LGALS9C: variants seen among roughly 807,000 people sequenced by gnomAD.
LGALS9C encodes galectin-9C.
LGALS9C carries 7 observed loss-of-function variants against 41.3 expected under a neutral mutation model. That is an observed-to-expected ratio of 0.17 (90% CI 0.10 to 0.32). LGALS9C has a LOEUF of 0.32. Among genes scored for constraint, LGALS9C ranks in the 10% least tolerant of loss-of-function variants. LGALS9C has a pLI of 1.00. For missense variants in LGALS9C, 102 were observed against 455.2 expected (o/e 0.22, Z 7.06); for synonymous variants, 44 against 171.0 (o/e 0.26, Z 5.80).
At chr17:18,481,127 C>CAAAAT (rs1174018527) in intron 1 of LGALS9C, among the ~76,000 whole-genome samples, 18 of 125,926 alleles carry the variant, frequency 1.4e-4, no homozygotes, top group Admixed American at 5.4e-4. Context: ...GAACCCATCT[C>CAAAAT]AAAATAAAAT....
intron 1 of LGALS9C, among the ~76,000 whole-genome samples, chr17:18,479,891 A>AC (rs1358941348): frequency 9.9e-5 from 12 of 120,762 alleles, no homozygotes; most frequent in African/African-American, 3.1e-4. Context: ...TTGGCTTATG[A>AC]CCCCTCCTGC....
At chr17:18,487,555 T>C in intron 3 of LGALS9C, 92 bp from the exon 4 acceptor site, 1 of 945,708 alleles carries the variant, frequency 1.1e-6, no homozygotes, top group Non-Finnish European at 1.5e-6. Flanking sequence ...GACTCAGGTC[T>C]TCATTTTTTA....
At chr17:18,492,372 T>C (rs1371564527) in intron 8 of LGALS9C, 85 bp from the exon 9 acceptor site, 32 of 1,490,326 alleles carry the variant, frequency 2.1e-5, no homozygotes, top group African/African-American at 2.8e-5. Context: ...ACAGCCTAAA[T>C]TCATGGGAAC....
intron 1 of LGALS9C, among the ~76,000 whole-genome samples, chr17:18,482,992 T>C (rs1382852018): frequency 8.0e-6 from 1 of 124,488 alleles, no homozygotes; most frequent in African/African-American, 2.6e-5. Flanking sequence ...AAATCATCAA[T>C]CATATGCAGT....
chr17:18,482,833 C>A (rs1989444526), intron 1 of LGALS9C, among the ~76,000 whole-genome samples: 1 of 128,042 alleles, frequency 7.8e-6, no homozygotes, highest in African/African-American at 2.6e-5. Context: ...TATAGAACCA[C>A]ACCGGATATG....
intron 10 of LGALS9C, among the ~76,000 whole-genome samples, chr17:18,493,453 C>T (rs1432300928): frequency 8.4e-6 from 1 of 119,184 alleles, no homozygotes; most frequent in Non-Finnish European, 2.0e-5. Context: ...AGGCGTGCTC[C>T]GCCCTGACTA....
intron 2 of LGALS9C, among the ~76,000 whole-genome samples, chr17:18,484,729 T>A (rs1315404959): frequency 3.3e-5 from 5 of 151,054 alleles, no homozygotes; most frequent in African/African-American, 1.2e-4. Flanking sequence ...AGCGGACCTC[T>A]CTTAAGACCC....
rs749828933 is a variant in LGALS9C, at chr17:18,487,670, C to G, written c.357C>G (p.Phe119Leu). 1 of 1,511,258 alleles carries G rather than the reference C, an allele frequency of 6.6e-7. No homozygotes were observed. The highest frequency in any genetic ancestry group is 9.0e-7 in the Non-Finnish European group (1 of 1,106,740). The allele number at this position is 1,511,258 out of a possible 1,614,324, so 93.6% of individuals were successfully genotyped here. Residue 119 changes from phenylalanine to leucine, a missense_variant, in exon 4 of 11, where the codon TTC becomes TTG. Physicochemically the swap from Phe to Leu is conservative, Grantham distance 22 (BLOSUM62 0). Coordinates refer to ENST00000328114, the MANE Select transcript of LGALS9C (RefSeq NM_001040078.3). ...DFKVMVNGSL[F>L]VQYFHRVPFH... The stretch of plus-strand genomic sequence containing the variant: ...AGGTGATGGTGAACGGGAGCCTCTT[C>G]GTGCAGTACTTCCACCGCGTGCCCT...
chr17:18,492,997 A>AG, intron 10 of LGALS9C, 138 bp downstream of exon 10: 1 of 797,208 alleles, frequency 1.3e-6, no homozygotes, highest in Non-Finnish European at 1.9e-6. Flanking sequence ...TGGCCAAAAA[A>AG]TTATTGTCAT....
chr17:18,484,650 G>T (rs778840344), intron 2 of LGALS9C, among the ~76,000 whole-genome samples: 8,256 of 141,012 alleles, frequency 0.059, 29 homozygotes, highest in Middle Eastern at 0.13. Flanking sequence ...GCCTGCTGAA[G>T]TCTGCGGGGC....
chr17:18,477,187 A>G (rs1023938556), intron 1 of LGALS9C, among the ~76,000 whole-genome samples: 1 of 132,158 alleles, frequency 7.6e-6, no homozygotes, highest in African/African-American at 2.5e-5. Context: ...TGGTTTGTGT[A>G]AAGAGGAAGC....
At position 18,478,164 on chromosome 17, in the gene LGALS9C, G is replaced by A. The variant is rs1989274036; in HGVS notation, c.39+1271G>A. On this transcript the variant is annotated intron_variant, in intron 1 of 10. Transcript: ENST00000328114. ...AAGCTGGAATGGGCTGCCGGTGTTG[G>A]GCGAGCCTTAGGGTCAGCGTGTGCC... 1.5e-5 allele frequency among the ~76,000 whole-genome samples: 2 copies of A among 129,812 alleles called. 1 individual carries two copies. The allele number at this position is 129,812 out of a possible 152,430, so 85.2% of individuals were successfully genotyped here. A position where few individuals can be genotyped will look rare whatever the true frequency, so the allele number is the denominator to read the frequency against.
chr17:18,483,738 T>TC, intron 1 of LGALS9C, 137 bp from the exon 2 acceptor site: 1 of 577,368 alleles, frequency 1.7e-6, no homozygotes, highest in Non-Finnish European at 3.0e-6. Flanking sequence ...GGGCTGAGAC[T>TC]CCTTCTGTCC....
In LGALS9C at chr17:18,483,963, C is replaced by T. The variant is rs1197491631; in HGVS notation, c.128C>T (p.Thr43Ile). Reference protein sequence around the residue: ...VNGAVLSCSGTRFAVDFQTGF... With the variant: ...VNGAVLSCSGIRFAVDFQTGF... Reference sequence around the variant, plus strand: ...GGGGCCGTTCTCAGCTGCAGTGGAACCAGGTGTGTGTATATGGATGGAAAC... The same window carrying T: ...GGGGCCGTTCTCAGCTGCAGTGGAATCAGGTGTGTGTATATGGATGGAAAC... The change falls in exon 2 of 11, where the codon ACC becomes ATC. Residue 43 changes from threonine (T) to isoleucine (I), a missense_variant. Thr to Ile is a moderately conservative substitution (Grantham distance 89). Transcript: ENST00000328114. 5.9e-6 allele frequency: 8 copies of T among 1,367,504 alleles called. 1 individual carries two copies. The African/African-American group carries it at 7.1e-5, about 12-fold the overall frequency. The allele number at this position is 1,367,504 out of a possible 1,614,324, so 84.7% of individuals were successfully genotyped here.
At chr17:18,488,583 G>A (rs1184122223) in intron 4 of LGALS9C, among the ~76,000 whole-genome samples, 3 of 122,504 alleles carry the variant, frequency 2.4e-5, no homozygotes, top group Non-Finnish European at 3.9e-5. Flanking sequence ...CCGGCAGCTG[G>A]ATGGGAGCTG....
chr17:18,484,654 G>T (rs1989525439), intron 2 of LGALS9C, among the ~76,000 whole-genome samples: 1 of 150,030 alleles, frequency 6.7e-6, no homozygotes, highest in South Asian at 2.1e-4. Context: ...GCTGAAGTCT[G>T]CGGGGCCCAC....
intron 10 of LGALS9C, among the ~76,000 whole-genome samples, chr17:18,493,796 G>A (rs1989904787): frequency 6.9e-6 from 1 of 144,338 alleles, no homozygotes; most frequent in African/African-American, 2.4e-5. Flanking sequence ...AGCACGCTTA[G>A]GACAGTGCCT....
chr17:18,480,326 C>T (rs1477291692), intron 1 of LGALS9C, among the ~76,000 whole-genome samples: 2 of 124,744 alleles, frequency 1.6e-5, no homozygotes, highest in Non-Finnish European at 3.8e-5. Flanking sequence ...TTTTATGGGA[C>T]CTTTGTGATT....
Position 18,486,029 on chromosome 17 carries a change from C to T in LGALS9C, c.227C>T (p.Thr76Met), listed in dbSNP as rs751709558. The T allele has an allele frequency of 2.7e-5, 34 of 1,279,014 alleles. 8 individuals are homozygous for T. Among genetic ancestry groups the T allele is most frequent in the East Asian group, 4.5e-5 (2 of 44,638 alleles). 79.2% of individuals were successfully genotyped at this position (1,279,014 alleles called of 1,614,324 possible). A position where few individuals can be genotyped will look rare whatever the true frequency, so the allele number is the denominator to read the frequency against. The change falls in exon 3 of 11, where the codon ACG becomes ATG. Residue 76 changes from threonine to methionine, a missense_variant. Physicochemically the swap from Thr to Met is moderately conservative, Grantham distance 81. Transcript: ENST00000328114. The stretch of plus-strand genomic sequence containing the variant: ...GACGGAGGGTATGTGGTGTGCAACA[C>T]GAGGCAGAAAGGAACATGGGGGCCC... ...FEDGGYVVCN[T>M]RQKGTWGPEE...
Sources: allele counts gnomAD v4.1 joint callset (sites outside exome capture counted in the v4.1 genomes callset), GRCh38; gene constraint gnomAD v4.1.1; transcripts MANE v1.5; gene names NCBI Gene and HGNC (gene_info 2026-07-23, HGNC 2026-07-21).